Variants in FHL2 observed in about 807,000 individuals in gnomAD.
The protein encoded by FHL2 is four and a half LIM domains 2, also known as four and a half LIM domains protein 2.
A neutral mutation model predicts 32.7 loss-of-function variants in FHL2; 20 were observed. That is an observed-to-expected ratio of 0.61 (90% confidence interval 0.43 to 0.89). The LOEUF (loss-of-function observed/expected upper bound fraction) is 0.89, where lower values mean the gene tolerates loss of function less well. FHL2 is among the 40% of genes least tolerant of loss of function. The probability of loss-of-function intolerance (pLI) is 0.00; values close to 1 mark genes in which losing one functional copy is unlikely to be tolerated. For missense variants in FHL2, 311 were observed against 358.6 expected (o/e 0.87, Z 1.07); for synonymous variants, 123 against 128.1 (o/e 0.96, Z 0.27).
intron 2 of FHL2, among the ~76,000 whole-genome samples, chr2:105,396,255 C>A (rs1309572790): frequency 2.6e-5 from 4 of 152,100 alleles, no homozygotes; most frequent in African/African-American, 9.7e-5. Context: ...CCAGGAGAGC[C>A]GATGGTGCAA....
At chr2:105,399,240 C>G (rs1683366446), upstream of FHL2, 1 of 1,534,924 alleles carries the variant, frequency 6.5e-7, no homozygotes, top group South Asian at 1.2e-5. Flanking sequence ...TGCCAGGGCT[C>G]CTTTCTTCGT....
intron 1 of FHL2, among the ~76,000 whole-genome samples, chr2:105,424,117 C>T (rs1009677003): frequency 8.1e-6 from 1 of 123,540 alleles, no homozygotes; most frequent in Non-Finnish European, 1.8e-5. Context: ...AAAATTTTTG[C>T]AATCTAAGCC....
intron 1 of FHL2, among the ~76,000 whole-genome samples, chr2:105,429,088 C>T (rs1172218504): frequency 6.6e-6 from 1 of 152,178 alleles, no homozygotes; most frequent in East Asian, 1.9e-4. Flanking sequence ...ATGACCTGTC[C>T]TGTTTAATGT....
chr2:105,428,179 C>T (rs1684319260), intron 1 of FHL2, among the ~76,000 whole-genome samples: 1 of 152,190 alleles, frequency 6.6e-6, no homozygotes, highest in Non-Finnish European at 1.5e-5. Flanking sequence ...GAACAAAGGT[C>T]CTTTTAGATT....
intron 1 of FHL2, among the ~76,000 whole-genome samples, chr2:105,411,793 G>A (rs1321666320): frequency 6.6e-6 from 1 of 151,510 alleles, no homozygotes; most frequent in Non-Finnish European, 1.5e-5. Flanking sequence ...GTGCACTCCA[G>A]CCTGGGCAAC....
At position 105,422,807 on chromosome 2, in the gene FHL2, A is replaced by T. The variant is rs1043135464; in HGVS notation, c.-25+15592T>A. On this transcript the variant is annotated intron_variant, in intron 1 of 5. Coordinates refer to the FHL2 transcript ENST00000393352. ...GAGAAAAGGATTGTCTGTATCAGTT[A>T]TACTACAGGTTGCATTGTACAAGAT... 3.9e-5 allele frequency among the ~76,000 whole-genome samples: 6 copies of T among 152,218 alleles called. No homozygotes were observed. The East Asian group carries it at 1.2e-3, about 29-fold the overall frequency.
intron 1 of FHL2, among the ~76,000 whole-genome samples, chr2:105,414,120 G>A (rs1019669831): frequency 6.6e-6 from 1 of 152,130 alleles, no homozygotes; most frequent in African/African-American, 2.4e-5. Flanking sequence ...CAGAACTGAG[G>A]GAAGCACTTT....
chr2:105,375,890 G>A (rs1049177753), intron 3 of FHL2: 2 of 152,226 alleles, frequency 1.3e-5, no homozygotes, highest in Non-Finnish European at 2.9e-5. Context: ...TCAGAAATCT[G>A]AGGGGAACAT....
At chr2:105,359,101 G>A (rs960659391), downstream of FHL2, 1 of 152,210 alleles carries the variant, frequency 6.6e-6, no homozygotes, top group Non-Finnish European at 1.5e-5. Flanking sequence ...TCGTGCTCCA[G>A]TGTTCTTAAC....
chr2:105,403,474 G>A (rs1007499581), upstream of FHL2, among the ~76,000 whole-genome samples: 1 of 152,168 alleles, frequency 6.6e-6, no homozygotes, highest in African/African-American at 2.4e-5. Flanking sequence ...CTCTCCTGTA[G>A]GTGGGCTTCA....
At chr2:105,382,170 G>A (rs6753046) in intron 3 of FHL2, among the ~76,000 whole-genome samples, 70,421 of 152,066 alleles carry the variant, frequency 0.46, 17,229 homozygotes, top group African/African-American at 0.62. Flanking sequence ...TTTCCTATTA[G>A]CTACAAAAGC....
chr2:105,425,585 A>T (rs1006535664), intron 1 of FHL2, among the ~76,000 whole-genome samples: 2 of 151,826 alleles, frequency 1.3e-5, no homozygotes, highest in Non-Finnish European at 2.9e-5. Context: ...GTCTCGGTGT[A>T]AAACCCGATT....
At chr2:105,414,316 G>T (rs910790035) in intron 1 of FHL2, among the ~76,000 whole-genome samples, 1 of 152,052 alleles carries the variant, frequency 6.6e-6, no homozygotes, top group South Asian at 2.1e-4. Flanking sequence ...CATTGCATAG[G>T]CATGATTGAT....
intron 1 of FHL2, 42 bp downstream of exon 1, chr2:105,398,800 C>G: frequency 1.4e-6 from 2 of 1,380,156 alleles, no homozygotes; most frequent in Non-Finnish European, 1.9e-6. Flanking sequence ...GGTCCCCTCT[C>G]CCAGTGGTCT....
chr2:105,438,163 C>T (rs567084550), intron 1 of FHL2, among the ~76,000 whole-genome samples: 1 of 152,192 alleles, frequency 6.6e-6, no homozygotes, highest in Non-Finnish European at 1.5e-5. Context: ...AGCTGACACC[C>T]CCTGTAGCTC....
chr2:105,374,245 T>G (rs1681304911), intron 3 of FHL2: 1 of 169,722 alleles, frequency 5.9e-6, no homozygotes, highest in African/African-American at 2.4e-5. Context: ...ACTGTGTGTG[T>G]GGGTGCTACC....
At chr2:105,435,649 C>G (rs1379049619) in intron 1 of FHL2, among the ~76,000 whole-genome samples, 1 of 152,060 alleles carries the variant, frequency 6.6e-6, no homozygotes, top group Non-Finnish European at 1.5e-5. Flanking sequence ...TGACGAAACA[C>G]TGTCTTCACT....
intron 2 of FHL2, among the ~76,000 whole-genome samples, chr2:105,394,243 C>A (rs1002740720): frequency 6.6e-6 from 1 of 152,090 alleles, no homozygotes; most frequent in Admixed American, 6.6e-5. Flanking sequence ...AGAGGGCCAT[C>A]ATGTCAAGGA....
chr2:105,399,410 G>C (rs1196369439), upstream of FHL2: 2 of 1,536,166 alleles, frequency 1.3e-6, no homozygotes, highest in South Asian at 1.2e-5. Flanking sequence ...GAAGCCCCAG[G>C]ACGTGCCGGG....
Sources: allele counts gnomAD v4.1 joint callset (sites outside exome capture counted in the v4.1 genomes callset), GRCh38; gene constraint gnomAD v4.1.1; transcripts MANE v1.5; gene names NCBI Gene and HGNC (gene_info 2026-07-23, HGNC 2026-07-21).